The following UTP6 variants were observed in gnomAD, a reference collection of about 807,000 sequenced individuals.
UTP6 encodes UTP6 small subunit processome component.
In UTP6, 60 loss-of-function variants were observed where a neutral mutation model predicts 96.5. That is an observed-to-expected ratio of 0.62 (90% CI 0.51 to 0.77). The LOEUF (loss-of-function observed/expected upper bound fraction) is 0.77, where lower values mean the gene tolerates loss of function less well. Among genes scored for constraint, UTP6 ranks in the 30% least tolerant of loss-of-function variants. The probability of loss-of-function intolerance (pLI) is 0.00; values close to 1 mark genes in which losing one functional copy is unlikely to be tolerated. For synonymous variants in UTP6, 215 were observed against 240.1 expected (o/e 0.90, Z 0.96); for missense variants, 637 against 706.5 (o/e 0.90, Z 1.12).
chr17:31,901,441 C>T, intron 1 of UTP6, 95 bp downstream of exon 1: 1 of 1,175,472 alleles, frequency 8.5e-7, no homozygotes, highest in Admixed American at 1.9e-5. Flanking sequence ...GAAAAGTAAA[C>T]ACAGGTCGAG....
intron 17 of UTP6, among the ~76,000 whole-genome samples, chr17:31,867,493 G>GT (rs1434038720): frequency 6.8e-6 from 1 of 147,476 alleles, no homozygotes; most frequent in African/African-American, 2.5e-5. Flanking sequence ...GGGCAACAGA[G>GT]TAAGACTCTA....
In UTP6 at chr17:31,868,760, T is replaced by C. The variant is rs1909988100; in HGVS notation, c.1497-648A>G. Among the ~76,000 whole-genome samples the C allele has an allele frequency of 2.6e-5, 4 of 152,216 alleles. No homozygotes were observed. The South Asian group carries it at 8.3e-4, about 31-fold the overall frequency. ...TATTCTAAGGAAATGATTTCTAATA[T>C]GGACAAATATTTGTGCAGAAATATT... On this transcript the variant is annotated intron_variant, in intron 16 of 18. Transcript: ENST00000261708.
intron 11 of UTP6, among the ~76,000 whole-genome samples, chr17:31,879,066 T>C (rs993276441): frequency 1.3e-5 from 2 of 152,166 alleles, no homozygotes; most frequent in African/African-American, 4.8e-5. Context: ...TTATTCTACA[T>C]TATTACAAAA....
In UTP6 at chr17:31,894,749, C is replaced by T; in HGVS notation, c.220-12G>A. ...GAATATCCAATGCGCTAAAGGGGGA[C>T]ATAAAAAAACAGAGCCTCAACTTAA... On this transcript the variant is annotated splice_polypyrimidine_tract_variant and intron_variant, in intron 3 of 18. Transcript: ENST00000261708. 6.3e-7 allele frequency: 1 copy of T among 1,594,992 alleles called. No individual in the cohort carries two copies. Among genetic ancestry groups the T allele is most frequent in the Non-Finnish European group, 8.6e-7 (1 of 1,166,880 alleles).
At chr17:31,892,458 C>T (rs1289282892) in intron 5 of UTP6, 135 bp from the exon 6 acceptor site, 17 of 936,880 alleles carry the variant, frequency 1.8e-5, no homozygotes, top group African/African-American at 3.3e-5. Context: ...GATATATAAA[C>T]GAACACAGAC....
chr17:31,868,206 C>T (rs1909939977), intron 16 of UTP6, 94 bp from the exon 17 acceptor site: 4 of 1,120,638 alleles, frequency 3.6e-6, no homozygotes, highest in Admixed American at 2.5e-5. Flanking sequence ...CTCCACAACA[C>T]ATGGTTTAAT....
chr17:31,877,130 T>A (rs1910544202), intron 13 of UTP6, among the ~76,000 whole-genome samples: 1 of 152,220 alleles, frequency 6.6e-6, no homozygotes, highest in Non-Finnish European at 1.5e-5. Context: ...AAGCAAATTT[T>A]TCTGAAATTC....
chr17:31,885,055 A>C (rs1351058705), intron 9 of UTP6: 1 of 153,254 alleles, frequency 6.5e-6, no homozygotes, highest in Non-Finnish European at 1.5e-5. Flanking sequence ...CAAAAAAAAA[A>C]CATGGAAGGA....
chr17:31,870,764 C>T (rs1351217548), intron 16 of UTP6, among the ~76,000 whole-genome samples: 4 of 151,730 alleles, frequency 2.6e-5, no homozygotes, highest in African/African-American at 9.7e-5. Context: ...ACCTCGTGAT[C>T]CGTCTGCCTC....
At chr17:31,891,828 GCCTGACCAA>G (rs1904337982) in intron 6 of UTP6, among the ~76,000 whole-genome samples, 1 of 152,184 alleles carries the variant, frequency 6.6e-6, no homozygotes, top group African/African-American at 2.4e-5. Flanking sequence ...CGAGAGACCA[GCCTGACCAA>G]CGTGGTAAAA....
chr17:31,892,047 C>G, intron 6 of UTP6: 1 of 552,850 alleles, frequency 1.8e-6, no homozygotes, highest in Non-Finnish European at 3.2e-6. Context: ...TACAGTCCTT[C>G]TTGCCTGCAG....
chr17:31,881,397 G>C (rs985341860), intron 10 of UTP6, among the ~76,000 whole-genome samples: 1 of 151,220 alleles, frequency 6.6e-6, no homozygotes, highest in Admixed American at 6.6e-5. Context: ...CTTCCAAGTA[G>C]CTGGAATTAC....
In UTP6 at chr17:31,889,298, T is replaced by C. The variant is rs1567789869; in HGVS notation, c.530A>G (p.Lys177Arg). ...RALRFHPECP[K>R]LYKEYFRMEL... ...ATACACACTCACTTCTTTATAAAGTTTTGGGCACTCTGGATGAAAGCGCAG... is the reference window on the plus strand; with the variant it reads ...ATACACACTCACTTCTTTATAAAGTCTTGGGCACTCTGGATGAAAGCGCAG... The change falls in exon 7 of 19, where the codon AAA becomes AGA. Residue 177 changes from lysine to arginine, a missense_variant. Lys to Arg is a conservative substitution (Grantham distance 26). Coordinates refer to ENST00000261708, the MANE Select transcript of UTP6 (RefSeq NM_018428.3). The C allele has an allele frequency of 6.2e-7, 1 of 1,612,794 alleles. No individual in the cohort carries two copies. Among genetic ancestry groups the C allele is most frequent in the Non-Finnish European group, 8.5e-7 (1 of 1,179,154 alleles).
At chr17:31,892,355 C>A in intron 5 of UTP6, 32 bp from the exon 6 acceptor site, 5 of 1,591,350 alleles carry the variant, frequency 3.1e-6, no homozygotes, top group Non-Finnish European at 4.3e-6. Context: ...CTACTTCCTG[C>A]ACAGATAAAT....
chr17:31,874,824 C>T (rs1910395705), intron 14 of UTP6, among the ~76,000 whole-genome samples: 1 of 149,418 alleles, frequency 6.7e-6, no homozygotes, highest in Admixed American at 6.8e-5. Context: ...CCCAGCTACT[C>T]GGGAGGCTGA....
In UTP6 at chr17:31,894,982, C is replaced by G. The variant is rs768852358; in HGVS notation, c.207G>C (p.Gln69His). 1.3e-6 allele frequency: 2 copies of G among 1,555,408 alleles called. No individual in the cohort carries two copies. ...QYEINLLELIQRRRTRIGYSF... is the reference protein window; with the variant it reads ...QYEINLLELIHRRRTRIGYSF... The stretch of plus-strand genomic sequence containing the variant: ...ATCTTCTACTTACTGTTCTTCTTCT[C>G]TGGATCAGCTCCAAAAGATTAATTT... Residue 69 changes from glutamine to histidine, a missense_variant, in exon 3 of 19, where the codon CAG becomes CAC. Physicochemically the swap from Gln to His is conservative, Grantham distance 24 (BLOSUM62 0). Transcript: ENST00000261708.
intron 10 of UTP6, among the ~76,000 whole-genome samples, chr17:31,884,002 ATT>A (rs11444704): frequency 1.4e-5 from 2 of 140,312 alleles, no homozygotes; most frequent in African/African-American, 2.7e-5. Flanking sequence ...TATGATATTA[ATT>A]TTTTTTTTTT....
At position 31,879,745 on chromosome 17, in the gene UTP6, T is replaced by C. The variant is rs1598104862; in HGVS notation, c.967+828A>G. 2.6e-5 allele frequency among the ~76,000 whole-genome samples: 4 copies of C among 151,922 alleles called. No homozygotes were observed. In the South Asian group the frequency reaches 8.3e-4, roughly 32 times the overall value. On this transcript the variant is annotated intron_variant, in intron 11 of 18. Transcript: ENST00000261708. ...ATTATTTCCTAAGCTTCCCCCAAAA[T>C]AGATGAACATAAATACCACTACTAT...
intron 16 of UTP6, among the ~76,000 whole-genome samples, chr17:31,871,259 T>C (rs1054237910): frequency 6.6e-6 from 1 of 152,048 alleles, no homozygotes; most frequent in Non-Finnish European, 1.5e-5. Context: ...CCTAAAGTGC[T>C]AGGATTACAG....
Sources: gnomAD v4.1 joint callset for allele counts (sites outside exome capture counted in the v4.1 genomes callset) on GRCh38, gnomAD v4.1.1 for gene constraint, MANE v1.5 for transcripts, NCBI Gene and HGNC (gene_info 2026-07-23, HGNC 2026-07-21) for gene names.